The following LRRTM4 variants were observed in gnomAD, a reference collection of about 807,000 sequenced individuals.
LRRTM4 encodes the protein leucine-rich repeat transmembrane neuronal protein 4.
A neutral mutation model predicts 47.6 loss-of-function variants in LRRTM4; 25 were observed. The ratio of observed to expected loss-of-function variants is 0.53; its 90% CI spans 0.38 to 0.73. LRRTM4 has a LOEUF of 0.73. LRRTM4 is among the 30% of genes least tolerant of loss of function. LRRTM4 has a pLI of 0.00. For missense variants in LRRTM4, 638 were observed against 713.4 expected (o/e 0.89, Z 1.20); for synonymous variants, 311 against 269.5 (o/e 1.15, Z -1.51).
chr2:77,016,229 T>C (rs1305642168), intron 3 of LRRTM4, among the ~76,000 whole-genome samples: 1 of 151,526 alleles, frequency 6.6e-6, no homozygotes, highest in Admixed American at 6.6e-5. Context: ...CTACTAAAAA[T>C]ACAAAAATTA....
intron 3 of LRRTM4, among the ~76,000 whole-genome samples, chr2:77,128,403 T>TAGATAGAC (rs1370377605): frequency 8.0e-4 from 121 of 151,916 alleles, no homozygotes; most frequent in Non-Finnish European, 1.6e-3. Context: ...AACAGATAGA[T>TAGATAGAC]AGATAGATAG....
At chr2:77,296,297 A>G (rs1676971086) in intron 3 of LRRTM4, among the ~76,000 whole-genome samples, 1 of 152,210 alleles carries the variant, frequency 6.6e-6, no homozygotes, top group East Asian at 1.9e-4. Flanking sequence ...TTCAATTTGC[A>G]TTTCTAAAGT....
intron 3 of LRRTM4, among the ~76,000 whole-genome samples, chr2:77,214,646 T>C (rs1417332437): frequency 6.6e-6 from 1 of 152,168 alleles, no homozygotes; most frequent in South Asian, 2.1e-4. Flanking sequence ...AACCTTTCCT[T>C]AAGTACAATA....
intron 3 of LRRTM4, among the ~76,000 whole-genome samples, chr2:77,133,411 G>A (rs1388330966): frequency 6.6e-6 from 1 of 151,938 alleles, no homozygotes; most frequent in African/African-American, 2.4e-5. Flanking sequence ...TGCAGATAAT[G>A]GATTATACTT....
At chr2:77,090,499 C>A (rs1670577117) in intron 3 of LRRTM4, among the ~76,000 whole-genome samples, 1 of 152,154 alleles carries the variant, frequency 6.6e-6, no homozygotes, top group African/African-American at 2.4e-5. Flanking sequence ...TTAACCTCGC[C>A]TTCAAGGTGT....
intron 3 of LRRTM4, among the ~76,000 whole-genome samples, chr2:77,418,822 A>T (rs895453386): frequency 1.3e-5 from 2 of 152,122 alleles, no homozygotes; most frequent in Admixed American, 1.3e-4. Context: ...TCTTGTTTCA[A>T]TTTAAACCAA....
intron 3 of LRRTM4, among the ~76,000 whole-genome samples, chr2:76,866,039 G>T (rs1672456049): frequency 6.6e-6 from 1 of 152,066 alleles, no homozygotes; most frequent in Admixed American, 6.6e-5. Flanking sequence ...CGTGAAAGGA[G>T]CAAGTGGGGA....
At chr2:76,775,483 T>A (rs987459412) in intron 3 of LRRTM4, among the ~76,000 whole-genome samples, 2 of 152,104 alleles carry the variant, frequency 1.3e-5, no homozygotes, top group African/African-American at 4.8e-5. Flanking sequence ...TAAAGGGCAA[T>A]TATATACTGG....
chr2:76,857,663 T>C (rs775585996), intron 3 of LRRTM4, among the ~76,000 whole-genome samples: 3 of 152,206 alleles, frequency 2.0e-5, no homozygotes, highest in African/African-American at 7.2e-5. Context: ...TAATTGTTTA[T>C]ACTGATAGTG....
chr2:77,231,142 G>A (rs1408541996), intron 3 of LRRTM4, among the ~76,000 whole-genome samples: 1 of 151,984 alleles, frequency 6.6e-6, no homozygotes, highest in Admixed American at 6.6e-5. Flanking sequence ...TATAGTCTCT[G>A]TTTTATTTTT....
intron 3 of LRRTM4, among the ~76,000 whole-genome samples, chr2:77,137,121 T>C (rs752099854): frequency 6.6e-6 from 1 of 151,588 alleles, no homozygotes; most frequent in Non-Finnish European, 1.5e-5. Context: ...AGGAAATACA[T>C]AGAGTACCAC....
chr2:77,084,240 C>G (rs574398379), intron 3 of LRRTM4, among the ~76,000 whole-genome samples: 10 of 152,278 alleles, frequency 6.6e-5, no homozygotes, highest in African/African-American at 2.4e-4. Context: ...CGCTCATCTT[C>G]AAGTAGTCTT....
chr2:76,805,112 C>T (rs1675903801), intron 3 of LRRTM4, among the ~76,000 whole-genome samples: 1 of 152,076 alleles, frequency 6.6e-6, no homozygotes, highest in Non-Finnish European at 1.5e-5. Flanking sequence ...AAGATTGAAG[C>T]CTCATGGAGA....
rs545449120 is a variant in LRRTM4, at chr2:76,957,628, A to G, written c.1552-208712T>C. On this transcript the variant is annotated intron_variant, in intron 3 of 3. Coordinates refer to ENST00000409884, the MANE Select transcript of LRRTM4 (RefSeq NM_001134745.3). The stretch of plus-strand genomic sequence containing the variant: ...CAATCTTTATCAAACTTGGATTATC[A>G]TATTTGACTGTCCTCTTATGATAGT... Among the ~76,000 whole-genome samples the G allele has an allele frequency of 5.3e-5, 8 of 151,874 alleles. No individual in the cohort carries two copies. In the East Asian group the frequency reaches 1.6e-3, roughly 30 times the overall value.
chr2:77,297,030 A>G (rs1414541512), intron 3 of LRRTM4, among the ~76,000 whole-genome samples: 3 of 152,086 alleles, frequency 2.0e-5, no homozygotes, highest in African/African-American at 2.4e-5. Flanking sequence ...ATGAATGGAG[A>G]TTCCTCCAGT....
chr2:76,976,830 G>T (rs1294511748), intron 3 of LRRTM4, among the ~76,000 whole-genome samples: 1 of 151,842 alleles, frequency 6.6e-6, no homozygotes, highest in Admixed American at 6.6e-5. Context: ...AAAGCCAGGA[G>T]AGAGGATTTT....
intron 3 of LRRTM4, among the ~76,000 whole-genome samples, chr2:77,312,090 T>G (rs1021990582): frequency 1.3e-5 from 2 of 152,160 alleles, no homozygotes; most frequent in Admixed American, 6.5e-5. Context: ...CATAAACTGT[T>G]GAAACATGTG....
chr2:77,078,766 G>A (rs1680433174), intron 3 of LRRTM4, among the ~76,000 whole-genome samples: 1 of 152,282 alleles, frequency 6.6e-6, no homozygotes, highest in Non-Finnish European at 1.5e-5. Flanking sequence ...TCATTAGGGA[G>A]ATACATTGAA....
intron 3 of LRRTM4, among the ~76,000 whole-genome samples, chr2:76,800,210 A>T (rs913747888): frequency 6.8e-6 from 1 of 147,212 alleles, no homozygotes; most frequent in Non-Finnish European, 1.5e-5. Context: ...CTATACTACA[A>T]GGCGACAGTG....
Sources: allele counts gnomAD v4.1 joint callset (sites outside exome capture counted in the v4.1 genomes callset), GRCh38; gene constraint gnomAD v4.1.1; transcripts MANE v1.5; gene names NCBI Gene and HGNC (gene_info 2026-07-23, HGNC 2026-07-21).